The following GLRX variants were observed in gnomAD, a reference collection of about 807,000 sequenced individuals.
GLRX encodes glutaredoxin-1.
Under a neutral mutation model 11.1 loss-of-function variants are expected in GLRX, and 9 were observed. The ratio of observed to expected loss-of-function variants is 0.81; its 90% CI spans 0.49 to 1.42. The LOEUF (loss-of-function observed/expected upper bound fraction) is 1.42. GLRX is among the 40% of genes most tolerant of loss of function. The pLI is 0.00. For missense variants in GLRX, 102 were observed against 126.2 expected, an observed-to-expected ratio of 0.81 and a Z score of 0.92; for synonymous variants, 49 against 49.5, an observed-to-expected ratio of 0.99 and a Z score of 0.04.
intron 2 of GLRX, chr5:95,814,603 GAGA>G (rs1406404940): frequency 2.0e-5 from 3 of 152,514 alleles, no homozygotes; most frequent in African/African-American, 7.2e-5. Context: ...CATCATTGTG[GAGA>G]AGGAGTCTGG....
At chr5:95,821,383 A>G (rs997777989) in intron 1 of GLRX, among the ~76,000 whole-genome samples, 28 of 152,102 alleles carry the variant, frequency 1.8e-4, no homozygotes, top group Non-Finnish European at 1.5e-5. Flanking sequence ...GTCATTGTGT[A>G]TACTCCAGGA....
rs572397637 is a variant in GLRX, at chr5:95,814,301, T to C, written c.*95A>G. The C allele has an allele frequency of 6.5e-6, 1 of 152,806 alleles. No homozygotes were observed. The highest frequency in any genetic ancestry group is 2.1e-4 in the South Asian group (1 of 4,828). 9.5% of individuals were successfully genotyped at this position (152,806 alleles called of 1,614,324 possible). ...TCTGCACTTGTGCCTCTGATCCATA[T>C]GACACCAAGACCAACTATGCTTTTC... On this transcript the variant is annotated 3_prime_UTR_variant, in exon 3 of 3. Coordinates refer to ENST00000237858, the MANE Select transcript of GLRX (RefSeq NM_001118890.2).
At chr5:95,820,978 T>C (rs1747213181) in intron 1 of GLRX, among the ~76,000 whole-genome samples, 1 of 151,990 alleles carries the variant, frequency 6.6e-6, no homozygotes, top group South Asian at 2.1e-4. Context: ...TAGCTGGGCA[T>C]GGTGGTGGGC....
At chr5:95,816,744 T>C in intron 1 of GLRX, 118 bp from the exon 2 acceptor site, 1 of 656,046 alleles carries the variant, frequency 1.5e-6, no homozygotes, top group Non-Finnish European at 2.8e-6. Flanking sequence ...AAAACCTCCT[T>C]ATGTATATGC....
chr5:95,821,682 C>A (rs1332048198), intron 1 of GLRX, among the ~76,000 whole-genome samples: 1 of 152,156 alleles, frequency 6.6e-6, no homozygotes, highest in Non-Finnish European at 1.5e-5. Flanking sequence ...CCTCCTGAAG[C>A]CCAGGACGCA....
chr5:95,819,922 A>AAAG (rs1747162783), intron 1 of GLRX, among the ~76,000 whole-genome samples: 2 of 148,446 alleles, frequency 1.3e-5, no homozygotes, highest in Non-Finnish European at 3.0e-5. Context: ...AAAAAAAAAA[A>AAAG]CCCTCGGGAG....
At chr5:95,816,811 T>G (rs1263533695) in intron 1 of GLRX, 185 bp from the exon 2 acceptor site, 1 of 488,338 alleles carries the variant, frequency 2.0e-6, no homozygotes, top group Non-Finnish European at 3.7e-6. Context: ...CTCGAGAATG[T>G]TTTTACGCCA....
At position 95,816,334 on chromosome 5, in the gene GLRX, C is replaced by CA. The variant is rs1746990962; in HGVS notation, c.*6+172dup. On this transcript the variant is annotated intron_variant, in intron 2 of 2. Transcript: ENST00000237858. ...TGAGTGAAAGGATTTCTCTCATTGA[C>CA]ACGATCTCTTTGTAAAGTGTGAAAT... 1.5e-5 allele frequency: 8 copies of CA among 546,316 alleles called. No homozygotes were observed. The South Asian group carries it at 1.9e-4, about 13-fold the overall frequency. 33.8% of individuals were successfully genotyped at this position (546,316 alleles called of 1,614,324 possible).
chr5:95,815,779 T>C (rs1048299263), intron 2 of GLRX, among the ~76,000 whole-genome samples: 1 of 152,246 alleles, frequency 6.6e-6, no homozygotes, highest in South Asian at 2.1e-4. Flanking sequence ...TTGTTTTGGC[T>C]TTTGGGAAGC....
At position 95,822,486 on chromosome 5, in the gene GLRX, A is replaced by G; in HGVS notation, c.177T>C (p.Asp59=). The G allele has an allele frequency of 6.2e-7, 1 of 1,613,896 alleles. No homozygotes were observed. ...TATNHTNEIQ[D]YLQQLTGART... is the part of the protein sequence containing the mutation. ...TTGCTCCCGTGAGCTGTTGCAAATA[A>G]TCTTGAATCTCGTTAGTGTGGTTGG... is the stretch of plus-strand genomic sequence containing the variant. The change falls in exon 1 of 3, where the codon GAT becomes GAC. Residue 59 remains aspartate (D), a synonymous_variant. Transcript: ENST00000237858.
chr5:95,816,217 C>A (rs1257088333), intron 2 of GLRX, among the ~76,000 whole-genome samples: 1 of 152,192 alleles, frequency 6.6e-6, no homozygotes, highest in Non-Finnish European at 1.5e-5. Flanking sequence ...CTGTCTACCT[C>A]TCTAAAATAT....
In GLRX at chr5:95,814,182, T is replaced by A. The variant is rs1021669716; in HGVS notation, c.*214A>T. 3 of 152,650 alleles carry A rather than the reference T, an allele frequency of 2.0e-5. No individual in the cohort carries two copies. The highest frequency in any genetic ancestry group is 7.2e-5 in the African/African-American group (3 of 41,466). 9.5% of individuals were successfully genotyped at this position (152,650 alleles called of 1,614,324 possible). On this transcript the variant is annotated 3_prime_UTR_variant, in exon 3 of 3. Transcript: ENST00000237858. ...AGATGTTTTACATTTCATGCTTTAA[T>A]CTTTGCTGGTAGTCTAAATAAAATA...
At position 95,816,709 on chromosome 5, in the gene GLRX, G is replaced by A. The variant is rs28926212; in HGVS notation, c.208-83C>T. ...TATCCTACCACTAAATATTTCCCGT[G>A]ATTCCAAACTTTTCAAATCACTTTA... is the stretch of plus-strand genomic sequence containing the variant. On this transcript the variant is annotated intron_variant, in intron 1 of 2. Transcript: ENST00000237858. 2.5e-3 allele frequency: 1,936 copies of A among 782,380 alleles called. 21 individuals carry two copies. The African/African-American group carries it at 0.029, about 12-fold the overall frequency. The allele number at this position is 782,380 out of a possible 1,614,324, so 48.5% of individuals were successfully genotyped here. A position where few individuals can be genotyped will look rare whatever the true frequency, so the allele number is the denominator to read the frequency against.
chr5:95,819,713 C>A (rs560504102), intron 1 of GLRX, among the ~76,000 whole-genome samples: 1 of 151,916 alleles, frequency 6.6e-6, no homozygotes, highest in South Asian at 2.1e-4. Flanking sequence ...TCCTGGCTAA[C>A]ACAGTGAAAA....
chr5:95,821,162 A>G (rs912447607), intron 1 of GLRX, among the ~76,000 whole-genome samples: 1 of 152,172 alleles, frequency 6.6e-6, no homozygotes, highest in African/African-American at 2.4e-5. Flanking sequence ...TGATTTAGTT[A>G]TTGAGGGGCA....
intron 1 of GLRX, among the ~76,000 whole-genome samples, chr5:95,820,633 G>C (rs1056614450): frequency 4.0e-5 from 6 of 148,748 alleles, no homozygotes; most frequent in African/African-American, 1.5e-4. Context: ...GGAGGTTGCA[G>C]TAAGCCAAAA....
In GLRX at chr5:95,814,400, C is replaced by T. The variant is rs1281076411; in HGVS notation, c.*7-11G>A. Reference sequence around the variant, plus strand: ...CATTTCCTATGAGATCTGTGGAGGACAAGGTGGAGAACACTGGTTCAGAGC... The same window carrying T: ...CATTTCCTATGAGATCTGTGGAGGATAAGGTGGAGAACACTGGTTCAGAGC... On this transcript the variant is annotated splice_polypyrimidine_tract_variant and intron_variant, in intron 2 of 2. Coordinates refer to ENST00000237858, the MANE Select transcript of GLRX (RefSeq NM_001118890.2). 1 of 152,614 alleles carries T rather than the reference C, an allele frequency of 6.6e-6. No individual in the cohort carries two copies. The highest frequency in any genetic ancestry group is 1.5e-5 in the Non-Finnish European group (1 of 68,036). The allele number at this position is 152,614 out of a possible 1,614,324, so 9.5% of individuals were successfully genotyped here.
At chr5:95,820,512 C>T (rs1747191008) in intron 1 of GLRX, among the ~76,000 whole-genome samples, 1 of 151,268 alleles carries the variant, frequency 6.6e-6, no homozygotes, top group African/African-American at 2.4e-5. Flanking sequence ...AGTTCGAGAC[C>T]AGGTTGGCCA....
chr5:95,818,431 C>G (rs910431254), intron 1 of GLRX: 2 of 152,240 alleles, frequency 1.3e-5, no homozygotes, highest in African/African-American at 4.8e-5. Context: ...CTTGAGAGTC[C>G]GCTACTGTCA....
Sources: gnomAD v4.1 joint callset for allele counts (sites outside exome capture counted in the v4.1 genomes callset) on GRCh38, gnomAD v4.1.1 for gene constraint, MANE v1.5 for transcripts, NCBI Gene and HGNC (gene_info 2026-07-23, HGNC 2026-07-21) for gene names.